Variants in URM1 observed in about 807,000 individuals in gnomAD.
URM1 encodes ubiquitin-related modifier 1.
In URM1, 11 loss-of-function variants were observed where a neutral mutation model predicts 17.7. That is an observed-to-expected ratio of 0.62 (90% confidence interval 0.39 to 1.03). The LOEUF (loss-of-function observed/expected upper bound fraction) is 1.03, where lower values mean the gene tolerates loss of function less well. Ranked by LOEUF, URM1 falls within the 50% of genes least tolerant of loss-of-function variation. URM1 has a pLI of 0.00. For synonymous variants in URM1, 48 were observed against 50.6 expected, an observed-to-expected ratio of 0.95 and a Z score of 0.22; for missense variants, 128 against 129.2, an observed-to-expected ratio of 0.99 and a Z score of 0.04.
intron 2 of URM1, among the ~76,000 whole-genome samples, chr9:128,385,753 C>T (rs963770902): frequency 2.0e-5 from 3 of 152,016 alleles, no homozygotes; most frequent in African/African-American, 2.4e-5. Context: ...TTGCATCCTG[C>T]GAAGGGAGCC....
intron 4 of URM1, 104 bp downstream of exon 4, chr9:128,389,413 C>G (rs756428356): frequency 6.2e-7 from 1 of 1,602,982 alleles, no homozygotes; most frequent in Non-Finnish European, 8.5e-7. Flanking sequence ...CTGGGTAATC[C>G]TCCGCCCCAC....
At chr9:128,383,256 T>C (rs888714200) in intron 2 of URM1, among the ~76,000 whole-genome samples, 2 of 151,764 alleles carry the variant, frequency 1.3e-5, no homozygotes, top group African/African-American at 4.8e-5. Context: ...AATGAGGAGG[T>C]CCCCTCGCAC....
intron 1 of URM1, 42 bp downstream of exon 1, chr9:128,371,457 C>T: frequency 5.6e-6 from 9 of 1,600,996 alleles, no homozygotes; most frequent in Non-Finnish European, 7.7e-6. Context: ...GGATTGAAGT[C>T]GTCGGGCCCA....
rs571502223 is a variant in URM1, at chr9:128,386,464, G to A, written c.107-1352G>A. 8.5e-5 allele frequency among the ~76,000 whole-genome samples: 13 copies of A among 152,338 alleles called. No individual in the cohort carries two copies. In the East Asian group the frequency reaches 2.3e-3, roughly 27 times the overall value. On this transcript the variant is annotated intron_variant, in intron 2 of 4. Transcript: ENST00000372853. Reference sequence around the variant, plus strand: ...AAAGGAGACATTAAAATGGAAAGGCGGCAGTCTCAGTCCATGGACACTTTG... The same window carrying A: ...AAAGGAGACATTAAAATGGAAAGGCAGCAGTCTCAGTCCATGGACACTTTG...
intron 1 of URM1, among the ~76,000 whole-genome samples, chr9:128,377,319 G>A (rs1223669594): frequency 1.3e-5 from 2 of 152,188 alleles, no homozygotes; most frequent in Admixed American, 1.3e-4. Flanking sequence ...TTTAGGCCAG[G>A]AGTTTGAGAT....
chr9:128,387,281 T>C lies in URM1; in HGVS notation c.107-535T>C, dbSNP rs1588587029. Among the ~76,000 whole-genome samples, 1 of 152,252 alleles carries C rather than the reference T, an allele frequency of 6.6e-6. No homozygotes were observed. Among genetic ancestry groups the C allele is most frequent in the African/African-American group, 2.4e-5 (1 of 41,476 alleles). ...AGCTGGTGAATGATCCTTCTCTCCCTCTGCCAGAGGAAATTAACTGATGTT... is the reference window on the plus strand; with the variant it reads ...AGCTGGTGAATGATCCTTCTCTCCCCCTGCCAGAGGAAATTAACTGATGTT... On this transcript the variant is annotated intron_variant, in intron 2 of 4. Transcript: ENST00000372853. The surrounding 1 kb of genome is among the most constrained non-coding windows in gnomAD (Gnocchi z 4.3).
intron 1 of URM1, among the ~76,000 whole-genome samples, chr9:128,377,821 C>T (rs996077095): frequency 2.0e-5 from 3 of 152,198 alleles, no homozygotes; most frequent in Non-Finnish European, 4.4e-5. Flanking sequence ...GATTGCACTG[C>T]TGCATTCCAG....
At chr9:128,384,608 A>G (rs1025758007) in intron 2 of URM1, among the ~76,000 whole-genome samples, 12 of 152,172 alleles carry the variant, frequency 7.9e-5, no homozygotes, top group Admixed American at 2.6e-4. Flanking sequence ...GTGCCAGGCC[A>G]CTGGGCAGAG....
At chr9:128,378,820 G>A (rs960876525) in intron 2 of URM1, among the ~76,000 whole-genome samples, 1 of 151,482 alleles carries the variant, frequency 6.6e-6, no homozygotes, top group African/African-American at 2.4e-5. Context: ...AGCGGTGCGC[G>A]CTTGTAATCC....
At chr9:128,383,272 T>C (rs559002481) in intron 2 of URM1, among the ~76,000 whole-genome samples, 1 of 152,294 alleles carries the variant, frequency 6.6e-6, no homozygotes, top group South Asian at 2.1e-4. Flanking sequence ...CGCACATCTG[T>C]AAACCTCCTT....
intron 2 of URM1, among the ~76,000 whole-genome samples, chr9:128,378,542 C>CA (rs58676800): frequency 0.13 from 2,932 of 22,920 alleles, 611 homozygotes; most frequent in Non-Finnish European, 0.26. Context: ...GACTCCATCT[C>CA]AAAAAAAAAA....
At chr9:128,389,553 T>G in intron 4 of URM1, 113 bp from the exon 5 acceptor site, 1 of 1,556,430 alleles carries the variant, frequency 6.4e-7, no homozygotes, top group Non-Finnish European at 8.7e-7. Flanking sequence ...ATTTTTCTGG[T>G]AGAGTCTGTC....
At chr9:128,375,794 A>C (rs1408100485) in intron 1 of URM1, among the ~76,000 whole-genome samples, 1 of 151,910 alleles carries the variant, frequency 6.6e-6, no homozygotes, top group Non-Finnish European at 1.5e-5. Context: ...TCCTGGACTT[A>C]AGCAATCCTC....
rs775939281 is a variant in URM1 at position 128,389,229 on chromosome 9, C to T, written c.189-32C>T. 8.3e-6 allele frequency: 13 copies of T among 1,571,982 alleles called. 1 individual carries two copies. The highest frequency in any genetic ancestry group is 4.0e-5 in the African/African-American group (3 of 74,328). ...CTGTGCTACTGCCTCCTGCCTCTCA[C>T]TCCTTGCTACTCACCACCATCTTTC... On this transcript the variant is annotated intron_variant, in intron 3 of 4. Coordinates refer to ENST00000372853, the MANE Select transcript of URM1 (RefSeq NM_030914.4).
Position 128,378,476 on chromosome 9 carries a change from G to A in URM1, c.106+370G>A, listed in dbSNP as rs138574798. 8.9e-3 allele frequency among the ~76,000 whole-genome samples: 1,302 copies of A among 145,552 alleles called. 12 individuals are homozygous for A. Among genetic ancestry groups the A allele is most frequent in the African/African-American group, 0.031 (1,217 of 39,618 alleles). ...TGCTTGAACCGGAACCTGGGAGGCG[G>A]AGGTTGCAGTGAGCCGAGATCATGC... On this transcript the variant is annotated intron_variant, in intron 2 of 4. Coordinates refer to ENST00000372853, the MANE Select transcript of URM1 (RefSeq NM_030914.4).
intron 1 of URM1, among the ~76,000 whole-genome samples, chr9:128,372,743 C>G (rs984323386): frequency 6.6e-6 from 1 of 152,078 alleles, no homozygotes; most frequent in Non-Finnish European, 1.5e-5. Context: ...CAGGCCTCAG[C>G]AGAGCTGGAA....
At chr9:128,371,321 G>A, upstream of URM1, 3 of 1,521,820 alleles carry the variant, frequency 2.0e-6, no homozygotes, top group Non-Finnish European at 2.7e-6. Context: ...GGAGACGCCC[G>A]GAAATTTGCG....
At chr9:128,389,079 T>A (rs1833267897) in intron 3 of URM1, 182 bp from the exon 4 acceptor site, 2 of 1,410,126 alleles carry the variant, frequency 1.4e-6, no homozygotes, top group Non-Finnish European at 1.8e-6. Context: ...AGACCATGCA[T>A]GACTGACCTG....
At chr9:128,377,750 A>G (rs1833096263) in intron 1 of URM1, among the ~76,000 whole-genome samples, 1 of 152,222 alleles carries the variant, frequency 6.6e-6, no homozygotes, top group African/African-American at 2.4e-5. Flanking sequence ...AGTCCTAGCT[A>G]CTTGGGAGGT....
Sources: allele counts gnomAD v4.1 joint callset (sites outside exome capture counted in the v4.1 genomes callset), GRCh38; gene constraint gnomAD v4.1.1; non-coding constraint Gnocchi (gnomAD v3.1); transcripts MANE v1.5; gene names NCBI Gene and HGNC (gene_info 2026-07-23, HGNC 2026-07-21).